The following CDH13 variants were observed in gnomAD, a reference collection of about 807,000 sequenced individuals.
CDH13 encodes the protein cadherin 13.
In CDH13, 24 loss-of-function variants were observed where a neutral mutation model predicts 63.8. The observed-to-expected ratio is 0.38, with a 90% confidence interval of 0.27 to 0.53. The LOEUF (loss-of-function observed/expected upper bound fraction) is 0.53. Among genes scored for constraint, CDH13 ranks in the 20% least tolerant of loss-of-function variants. The pLI, the probability that CDH13 is intolerant of heterozygous loss-of-function variation, is 0.85. For synonymous variants in CDH13, 503 were observed against 355.3 expected, an observed-to-expected ratio of 1.42 and a Z score of -4.67; for missense variants, 1,049 against 903.1, an observed-to-expected ratio of 1.16 and a Z score of -2.07.
intron 1 of CDH13, among the ~76,000 whole-genome samples, chr16:82,659,981 G>A (rs757871598): frequency 1.4e-4 from 22 of 152,164 alleles, no homozygotes; most frequent in Non-Finnish European, 2.9e-4. Context: ...ACTGCTTTAG[G>A]GGAATACTTA....
intron 5 of CDH13, among the ~76,000 whole-genome samples, chr16:83,337,238 C>G (rs1002139038): frequency 2.0e-5 from 3 of 152,164 alleles, no homozygotes; most frequent in African/African-American, 4.8e-5. Flanking sequence ...CACCCAACCC[C>G]CCACAGTATG....
intron 2 of CDH13, among the ~76,000 whole-genome samples, chr16:82,914,777 C>G (rs760473196): frequency 1.9e-4 from 29 of 152,146 alleles, no homozygotes; most frequent in Non-Finnish European, 4.3e-4. Context: ...GTTACATGCT[C>G]CATTTAGACA....
chr16:83,544,765 T>A (rs2075354608), intron 7 of CDH13, among the ~76,000 whole-genome samples: 1 of 152,210 alleles, frequency 6.6e-6, no homozygotes, highest in African/African-American at 2.4e-5. Flanking sequence ...GGCAAGGGAT[T>A]TAACCCTCAC....
chr16:82,790,107 A>AC (rs369740683), intron 1 of CDH13, among the ~76,000 whole-genome samples: 15 of 151,434 alleles, frequency 9.9e-5, no homozygotes, highest in Admixed American at 2.6e-4. Flanking sequence ...ACATGCCTAC[A>AC]CCCCCCCTCG....
intron 2 of CDH13, among the ~76,000 whole-genome samples, chr16:82,943,621 A>G (rs1597262300): frequency 6.6e-6 from 1 of 152,192 alleles, no homozygotes; most frequent in Non-Finnish European, 1.5e-5. Context: ...GGATAAAACC[A>G]CCAGCCCCTA....
At chr16:83,150,840 A>G (rs1567879806) in intron 4 of CDH13, among the ~76,000 whole-genome samples, 1 of 152,178 alleles carries the variant, frequency 6.6e-6, no homozygotes, top group Non-Finnish European at 1.5e-5. Flanking sequence ...AACAACCTGC[A>G]TGACTGGCCC....
intron 3 of CDH13, among the ~76,000 whole-genome samples, chr16:83,075,913 A>C (rs1597281720): frequency 6.6e-6 from 1 of 152,218 alleles, no homozygotes; most frequent in African/African-American, 2.4e-5. Context: ...CTCTAAACAC[A>C]TACGAGGAGC....
intron 1 of CDH13, chr16:82,825,762 G>T (rs915838221): frequency 1.3e-5 from 2 of 151,916 alleles, no homozygotes; most frequent in Non-Finnish European, 2.9e-5. Flanking sequence ...GGCCAGGATG[G>T]TCTCAATTTC....
At chr16:82,765,552 T>C (rs2035024769) in intron 1 of CDH13, among the ~76,000 whole-genome samples, 1 of 152,160 alleles carries the variant, frequency 6.6e-6, no homozygotes, top group Non-Finnish European at 1.5e-5. Context: ...CTGCTATCAA[T>C]GGGGAATCTA....
chr16:83,505,448 T>C (rs991431215), intron 7 of CDH13, among the ~76,000 whole-genome samples: 8 of 151,704 alleles, frequency 5.3e-5, no homozygotes, highest in Non-Finnish European at 1.2e-4. Context: ...ACAGCCTACA[T>C]GTGAGCACCA....
At chr16:82,673,987 C>T (rs979189595) in intron 1 of CDH13, among the ~76,000 whole-genome samples, 4 of 152,198 alleles carry the variant, frequency 2.6e-5, no homozygotes, top group Non-Finnish European at 4.4e-5. Flanking sequence ...TGTTCTTTCT[C>T]CTCCAGACTT....
At chr16:83,368,065 T>C (rs2151392827) in intron 6 of CDH13, among the ~76,000 whole-genome samples, 1 of 152,366 alleles carries the variant, frequency 6.6e-6, no homozygotes, top group Non-Finnish European at 1.5e-5. Flanking sequence ...TAATTTCTTA[T>C]GTGGATTATT....
intron 3 of CDH13, among the ~76,000 whole-genome samples, chr16:83,121,393 C>A (rs915609733): frequency 6.6e-6 from 1 of 152,174 alleles, no homozygotes; most frequent in Non-Finnish European, 1.5e-5. Context: ...TCTGAACTTT[C>A]TTCATTGATT....
chr16:83,434,984 A>ATATATAT (rs1567670701), intron 6 of CDH13, among the ~76,000 whole-genome samples: 2 of 144,200 alleles, frequency 1.4e-5, no homozygotes, highest in Non-Finnish European at 3.0e-5. Flanking sequence ...TAAATAAATA[A>ATATATAT]ATATATATAT....
At position 82,627,345 on chromosome 16, in the gene CDH13, T is replaced by C. The variant is rs1425147384; in HGVS notation, c.45+208T>C. Reference sequence around the variant, plus strand: ...GCTCCCACTCTGGCGTGCGTGTGTGTGTGTGTGTGTGTGTGTGTGTGTGTG... The same window carrying C: ...GCTCCCACTCTGGCGTGCGTGTGTGCGTGTGTGTGTGTGTGTGTGTGTGTG... On this transcript the variant is annotated intron_variant, in intron 1 of 13. Coordinates refer to ENST00000567109, the MANE Select transcript of CDH13 (RefSeq NM_001257.5). Among the ~76,000 whole-genome samples the C allele has an allele frequency of 3.9e-3, 516 of 133,320 alleles. 8 individuals are homozygous for C. Among genetic ancestry groups the C allele is most frequent in the Admixed American group, 0.023 (316 of 13,622 alleles). 87.5% of individuals were successfully genotyped at this position (133,320 alleles called of 152,430 possible). A position where few individuals can be genotyped will look rare whatever the true frequency, so the allele number is the denominator to read the frequency against.
chr16:83,114,858 T>C (rs1381696846), intron 3 of CDH13, among the ~76,000 whole-genome samples: 1 of 152,216 alleles, frequency 6.6e-6, no homozygotes, highest in Non-Finnish European at 1.5e-5. Context: ...AAAATGTGAA[T>C]TGAGTAGCAC....
chr16:83,358,632 G>A (rs563093380), intron 6 of CDH13, among the ~76,000 whole-genome samples: 213 of 152,272 alleles, frequency 1.4e-3, no homozygotes, highest in Non-Finnish European at 2.0e-3. Flanking sequence ...ACTATATGAC[G>A]TTGAGTCAAG....
At chr16:82,699,168 A>T (rs1196296026) in intron 1 of CDH13, among the ~76,000 whole-genome samples, 4 of 152,212 alleles carry the variant, frequency 2.6e-5, no homozygotes, top group African/African-American at 9.6e-5. Context: ...GATATTTCTA[A>T]TAGCTCCCCT....
chr16:83,350,339 G>A (rs1407855144), intron 6 of CDH13, among the ~76,000 whole-genome samples: 2 of 152,230 alleles, frequency 1.3e-5, no homozygotes, highest in Non-Finnish European at 2.9e-5. Context: ...CAGAAGGAAA[G>A]AATTAGCTCC....
Sources: allele counts gnomAD v4.1 joint callset (sites outside exome capture counted in the v4.1 genomes callset), GRCh38; gene constraint gnomAD v4.1.1; transcripts MANE v1.5; gene names NCBI Gene and HGNC (gene_info 2026-07-23, HGNC 2026-07-21).